CDC42: variants seen among roughly 807,000 people sequenced by gnomAD.
The protein encoded by CDC42 is cell division control protein 42 homolog.
Under a neutral mutation model 20.8 loss-of-function variants are expected in CDC42, and 1 was observed. The observed-to-expected ratio is 0.05, with a 90% CI of 0.02 to 0.23. The LOEUF (loss-of-function observed/expected upper bound fraction) is 0.23, where lower values mean the gene tolerates loss of function less well. CDC42 is among the 10% of genes least tolerant of loss of function. The pLI, the probability that CDC42 is intolerant of heterozygous loss-of-function variation, is 1.00. For synonymous variants in CDC42, 72 were observed against 84.8 expected (o/e 0.85, Z 0.83); for missense variants, 49 against 227.9 (o/e 0.21, Z 5.05).
Position 22,097,539 on chromosome 1 carries a change from G to C in CDC42, c.*6022G>C, listed in dbSNP as rs954152259. ...TTATAGGCGTGAGCCACTGCGCCCGGCCTGAAATGTGTATTCTTAAGTCCG... is the reference window on the plus strand; with the variant it reads ...TTATAGGCGTGAGCCACTGCGCCCGCCCTGAAATGTGTATTCTTAAGTCCG... On this transcript the variant is annotated 3_prime_UTR_variant, in exon 6 of 6. Coordinates refer to ENST00000656825, the MANE Select transcript of CDC42 (RefSeq NM_001791.4). Among the ~76,000 whole-genome samples, 4 of 152,334 alleles carry C rather than the reference G, an allele frequency of 2.6e-5. No homozygotes were observed. Among genetic ancestry groups the C allele is most frequent in the Non-Finnish European group, 5.9e-5 (4 of 68,032 alleles).
chr1:22,080,419 C>CT (rs1290559174), intron 2 of CDC42, among the ~76,000 whole-genome samples: 1 of 152,198 alleles, frequency 6.6e-6, no homozygotes, highest in Non-Finnish European at 1.5e-5. Context: ...TAACTGTCAT[C>CT]TCCCTCATGC....
In CDC42 at chr1:22,067,564, C is replaced by T. The variant is rs899623187; in HGVS notation, c.-50-10865C>T. On this transcript the variant is annotated intron_variant, in intron 1 of 5. Coordinates refer to ENST00000656825, the MANE Select transcript of CDC42 (RefSeq NM_001791.4). ...TTCACCAAGTTGGCCAGGCTGGTCTCGAACGCCTGACCTCAGATGATCCGC... is the reference window on the plus strand; with the variant it reads ...TTCACCAAGTTGGCCAGGCTGGTCTTGAACGCCTGACCTCAGATGATCCGC... Among the ~76,000 whole-genome samples the T allele has an allele frequency of 7.2e-5, 11 of 152,158 alleles. No homozygotes were observed. In the East Asian group the frequency reaches 9.6e-4, roughly 13 times the overall value.
At chr1:22,076,711 A>T (rs890350315) in intron 1 of CDC42, among the ~76,000 whole-genome samples, 2 of 152,212 alleles carry the variant, frequency 1.3e-5, no homozygotes, top group Admixed American at 6.5e-5. Context: ...GTGCTTTTAG[A>T]TTTAACCAGT....
chr1:22,092,300 T>A lies in CDC42; in HGVS notation c.*783T>A, dbSNP rs1645726552. On this transcript the variant is annotated 3_prime_UTR_variant, in exon 6 of 6. Coordinates refer to ENST00000656825, the MANE Select transcript of CDC42 (RefSeq NM_001791.4). ...GGACATTTGTTTGCCATTTGCTGAT[T>A]TTTTTGGGAAGTTAATTTCTAACTT... 3 of 152,738 alleles carry A rather than the reference T, an allele frequency of 2.0e-5. 1 individual carries two copies. Among genetic ancestry groups the A allele is most frequent in the Admixed American group, 2.0e-4 (3 of 15,300 alleles). The allele number at this position is 152,738 out of a possible 1,614,324, so 9.5% of individuals were successfully genotyped here. A position where few individuals can be genotyped will look rare whatever the true frequency, so the allele number is the denominator to read the frequency against.
rs1215863694 is a variant in CDC42, at chr1:22,097,728, T to A, written c.*6211T>A. Among the ~76,000 whole-genome samples, 7 of 152,248 alleles carry A rather than the reference T, an allele frequency of 4.6e-5. No homozygotes were observed. Among genetic ancestry groups the A allele is most frequent in the Admixed American group, 1.3e-4 (2 of 15,290 alleles). On this transcript the variant is annotated 3_prime_UTR_variant, in exon 6 of 6. Transcript: ENST00000656825. ...GTTAGACACTTGCCTCTTAGAGGCA[T>A]ATCCAGTGAGTCTTTAAAGCCCTAC...
chr1:22,059,913 T>C (rs905671618), intron 1 of CDC42, among the ~76,000 whole-genome samples: 7 of 152,138 alleles, frequency 4.6e-5, no homozygotes, highest in Non-Finnish European at 7.4e-5. Flanking sequence ...AACTATATGG[T>C]GTAGGAGAAA....
chr1:22,081,857 G>A, intron 3 of CDC42, 63 bp downstream of exon 3: 1 of 1,084,766 alleles, frequency 9.2e-7, no homozygotes, highest in Admixed American at 2.0e-5. Flanking sequence ...TCTGTCTCTT[G>A]TGGACATTTT....
At position 22,069,733 on chromosome 1, in the gene CDC42, T is replaced by G. The variant is rs180877083; in HGVS notation, c.-50-8696T>G. On this transcript the variant is annotated intron_variant, in intron 1 of 5. Coordinates refer to ENST00000656825, the MANE Select transcript of CDC42 (RefSeq NM_001791.4). ...CCTCCTGCCTTGGCCTCCCAAAGTG[T>G]TGGGATTACAGGCGTGAGCCGCCAC... Among the ~76,000 whole-genome samples, 1,367 of 151,304 alleles carry G rather than the reference T, an allele frequency of 9.0e-3. 43 individuals are homozygous for G. The highest frequency in any genetic ancestry group is 0.06 in the Admixed American group (909 of 15,136).
At chr1:22,076,027 CTCT>C (rs753809862) in intron 1 of CDC42, among the ~76,000 whole-genome samples, 6 of 152,030 alleles carry the variant, frequency 3.9e-5, no homozygotes, top group Non-Finnish European at 7.4e-5. Flanking sequence ...TTTTTGCTTC[CTCT>C]TCTTTATATT....
At chr1:22,079,989 A>G (rs187037726) in intron 2 of CDC42, among the ~76,000 whole-genome samples, 183 of 152,304 alleles carry the variant, frequency 1.2e-3, no homozygotes, top group Middle Eastern at 6.8e-3. Flanking sequence ...GGCACAAGTA[A>G]TGTTCTCATG....
intron 1 of CDC42, among the ~76,000 whole-genome samples, chr1:22,064,849 A>G (rs551753146): frequency 1.3e-5 from 2 of 152,014 alleles, no homozygotes; most frequent in East Asian, 1.9e-4. Flanking sequence ...GCTAATTTTC[A>G]TATTTTTAGT....
intron 1 of CDC42, among the ~76,000 whole-genome samples, chr1:22,060,694 T>A (rs1042169804): frequency 7.2e-5 from 11 of 152,236 alleles, no homozygotes; most frequent in African/African-American, 2.2e-4. Context: ...GGATTTTCAT[T>A]ACAACTTTAC....
chr1:22,100,467 C>G lies in CDC42; in HGVS notation c.*8950C>G, dbSNP rs891900138. On this transcript the variant is annotated 3_prime_UTR_variant, in exon 6 of 6. Transcript: ENST00000656825. ...CTGCCACTAACTTGATCTATGTCTT[C>G]AGGCAAGTAACTTAAATGCTCTGAG... is the stretch of plus-strand genomic sequence containing the variant. 2 of 152,190 alleles carry G rather than the reference C, an allele frequency of 1.3e-5. No homozygotes were observed. Among genetic ancestry groups the G allele is most frequent in the Non-Finnish European group, 2.9e-5 (2 of 68,030 alleles). 9.4% of individuals were successfully genotyped at this position (152,190 alleles called of 1,614,324 possible).
chr1:22,066,786 G>A (rs1645428716), intron 1 of CDC42, among the ~76,000 whole-genome samples: 1 of 152,130 alleles, frequency 6.6e-6, no homozygotes. Context: ...AGGCATGGCC[G>A]GGTGCAGTGG....
At position 22,094,102 on chromosome 1, in the gene CDC42, A is replaced by G. The variant is rs917238669; in HGVS notation, c.*2585A>G. 3.3e-5 allele frequency among the ~76,000 whole-genome samples: 5 copies of G among 152,010 alleles called. No individual in the cohort carries two copies. The highest frequency in any genetic ancestry group is 7.4e-5 in the Non-Finnish European group (5 of 68,002). ...CCATTTAAATATTGTTTTCTATTTG[A>G]CGTAACAAACTTGCTTATAGTCGTG... On this transcript the variant is annotated 3_prime_UTR_variant, in exon 6 of 6. Coordinates refer to ENST00000656825, the MANE Select transcript of CDC42 (RefSeq NM_001791.4).
At chr1:22,061,356 C>T (rs1249915369) in intron 1 of CDC42, among the ~76,000 whole-genome samples, 1 of 149,340 alleles carries the variant, frequency 6.7e-6, no homozygotes, top group Non-Finnish European at 1.5e-5. Flanking sequence ...TTCAGTGAGC[C>T]GAGATTGCAC....
chr1:22,073,909 C>T (rs185576432), intron 1 of CDC42, among the ~76,000 whole-genome samples: 4 of 152,090 alleles, frequency 2.6e-5, no homozygotes, highest in South Asian at 4.1e-4. Context: ...CCTTGTCCCC[C>T]CAAAGTGCTG....
chr1:22,064,901 T>G (rs1645405060), intron 1 of CDC42, among the ~76,000 whole-genome samples: 1 of 152,162 alleles, frequency 6.6e-6, no homozygotes, highest in Non-Finnish European at 1.5e-5. Flanking sequence ...GGTCTCGAAC[T>G]TGACCTCAGG....
At chr1:22,071,511 G>T (rs1021066444) in intron 1 of CDC42, among the ~76,000 whole-genome samples, 12 of 152,158 alleles carry the variant, frequency 7.9e-5, no homozygotes, top group Admixed American at 2.0e-4. Flanking sequence ...AGTACTTTTG[G>T]TTGCCTAAAA....
Sources: gnomAD v4.1 joint callset for allele counts (sites outside exome capture counted in the v4.1 genomes callset) on GRCh38, gnomAD v4.1.1 for gene constraint, MANE v1.5 for transcripts, NCBI Gene and HGNC (gene_info 2026-07-23, HGNC 2026-07-21) for gene names.